Variants in SARS1 observed in about 807,000 individuals in gnomAD.
The protein encoded by SARS1 is serine--tRNA ligase, cytoplasmic.
SARS1 carries 25 observed loss-of-function variants against 63.7 expected under a neutral mutation model. The observed-to-expected ratio is 0.39, with a 90% CI of 0.29 to 0.55. SARS1 has a LOEUF of 0.55. SARS1 is among the 20% of genes least tolerant of loss of function. The pLI is 0.62. For synonymous variants in SARS1, 231 were observed against 243.5 expected (o/e 0.95, Z 0.48); for missense variants, 417 against 649.7 (o/e 0.64, Z 3.89).
chr1:109,225,865 A>G (rs1227645714), intron 2 of SARS1, among the ~76,000 whole-genome samples: 1 of 152,224 alleles, frequency 6.6e-6, no homozygotes, highest in Non-Finnish European at 1.5e-5. Context: ...GAGCCTGGTA[A>G]CTATCTTGCA....
rs1655337751 is a variant in SARS1 at position 109,237,461 on chromosome 1, T to G, written c.1387+88T>G. 6.3e-7 allele frequency: 1 copy of G among 1,579,006 alleles called. No homozygotes were observed. The highest frequency in any genetic ancestry group is 8.6e-7 in the Non-Finnish European group (1 of 1,156,798). ...AGTCCCCTTTCAGGATATACCAGGT[T>G]TTTTTGTTCAGACACAGCCCCTGAA... is the stretch of plus-strand genomic sequence containing the variant. On this transcript the variant is annotated intron_variant, in intron 10 of 10. Transcript: ENST00000234677. The surrounding 1 kb of genome is among the most constrained non-coding windows in gnomAD (Gnocchi z 4.1).
chr1:109,226,967 A>G (rs184713627), intron 2 of SARS1, among the ~76,000 whole-genome samples: 2 of 150,070 alleles, frequency 1.3e-5, no homozygotes, highest in Admixed American at 1.3e-4. Context: ...ATCTTATTAT[A>G]ATGACCTTTG....
chr1:109,221,384 G>A (rs778989889), intron 1 of SARS1, among the ~76,000 whole-genome samples: 1 of 151,994 alleles, frequency 6.6e-6, no homozygotes, highest in Admixed American at 6.6e-5. Flanking sequence ...ATGAAATATC[G>A]AATGCTTTCC....
At chr1:109,221,355 G>A (rs955114256) in intron 1 of SARS1, among the ~76,000 whole-genome samples, 1 of 152,028 alleles carries the variant, frequency 6.6e-6, no homozygotes, top group Admixed American at 6.6e-5. Flanking sequence ...CACTGCGTCC[G>A]GCCACATTTT....
rs1655167611 is a variant in SARS1, at chr1:109,229,684, T to C, written c.447+112T>C. 8 of 1,098,906 alleles carry C rather than the reference T, an allele frequency of 7.3e-6. No homozygotes were observed. The East Asian group carries it at 1.7e-4, about 23-fold the overall frequency. 68.1% of individuals were successfully genotyped at this position (1,098,906 alleles called of 1,614,324 possible). A position where few individuals can be genotyped will look rare whatever the true frequency, so the allele number is the denominator to read the frequency against. ...GGCATTGTCTGTCAGAAGCAGGTTC[T>C]TTGTATATTCCCTCTGCCCACCAAT... On this transcript the variant is annotated intron_variant, in intron 4 of 10. Coordinates refer to ENST00000234677, the MANE Select transcript of SARS1 (RefSeq NM_006513.4).
In SARS1 at chr1:109,223,331, A is replaced by G. The variant is rs1024410964; in HGVS notation, c.137-647A>G. ...TGTGCATAGCACCTAGTTTCCTTAA[A>G]TGAGTTTTAAGATAATTGGGCAGGT... On this transcript the variant is annotated intron_variant, in intron 1 of 10. Coordinates refer to ENST00000234677, the MANE Select transcript of SARS1 (RefSeq NM_006513.4). Among the ~76,000 whole-genome samples, 5 of 152,352 alleles carry G rather than the reference A, an allele frequency of 3.3e-5. No individual in the cohort carries two copies. The East Asian group carries it at 9.6e-4, about 29-fold the overall frequency.
chr1:109,236,882 A>G, intron 9 of SARS1: 1 of 1,592,944 alleles, frequency 6.3e-7, no homozygotes, highest in Non-Finnish European at 8.6e-7. Flanking sequence ...TCTGGGTTGT[A>G]AGCTGCTCTC....
chr1:109,231,140 C>T (rs1364193982), intron 5 of SARS1, 119 bp downstream of exon 5: 1 of 588,922 alleles, frequency 1.7e-6, no homozygotes, highest in Non-Finnish European at 2.4e-6. Flanking sequence ...ACAGATCTAC[C>T]AGTTGTACTT....
chr1:109,215,667 AACTT>A lies in SARS1; in HGVS notation c.136+1541_136+1544del, dbSNP rs1436832840. 13 of 953,046 alleles carry A rather than the reference AACTT, an allele frequency of 1.4e-5. No individual in the cohort carries two copies. In the African/African-American group the frequency reaches 2.3e-4, roughly 17 times the overall value. 59.0% of individuals were successfully genotyped at this position (953,046 alleles called of 1,614,324 possible). A position where few individuals can be genotyped will look rare whatever the true frequency, so the allele number is the denominator to read the frequency against. ...TGTAGTTTATGTTATTGTTTTAAAA[AACTT>A]AATCCTAAATGTGAAGTCATTTCTT... On this transcript the variant is annotated intron_variant, in intron 1 of 10. Coordinates refer to ENST00000234677, the MANE Select transcript of SARS1 (RefSeq NM_006513.4).
In SARS1 at chr1:109,235,626, C is replaced by T. The variant is rs1262394064; in HGVS notation, c.969+195C>T. ...CTGAAACCAGGCTGCGGCTTTACCACTCACCAGCTGTGTAACATTGGGCAT... is the reference window on the plus strand; with the variant it reads ...CTGAAACCAGGCTGCGGCTTTACCATTCACCAGCTGTGTAACATTGGGCAT... On this transcript the variant is annotated intron_variant, in intron 7 of 10. Coordinates refer to ENST00000234677, the MANE Select transcript of SARS1 (RefSeq NM_006513.4). This position sits in a 1 kb window ranked among gnomAD's most constrained non-coding sequence, Gnocchi z 4.7. Among the ~76,000 whole-genome samples the T allele has an allele frequency of 6.6e-6, 1 of 152,174 alleles. No homozygotes were observed. The highest frequency in any genetic ancestry group is 2.4e-5 in the African/African-American group (1 of 41,444).
In SARS1 at chr1:109,221,992, A is replaced by T. The variant is rs12028612; in HGVS notation, c.137-1986A>T. Among the ~76,000 whole-genome samples the T allele has an allele frequency of 2.0e-4, 7 of 35,112 alleles. 2 individuals carry two copies. The highest frequency in any genetic ancestry group is 2.8e-4 in the Non-Finnish European group (7 of 24,576). 23.0% of individuals were successfully genotyped at this position (35,112 alleles called of 152,430 possible). On this transcript the variant is annotated intron_variant, in intron 1 of 10. Transcript: ENST00000234677. The stretch of plus-strand genomic sequence containing the variant: ...TGTGTATATATATATATATATATAT[A>T]TATATATATATATATATATTTTTTT...
At chr1:109,236,142 T>C (rs1361392714) in intron 8 of SARS1, 36 bp downstream of exon 8, 1 of 1,596,496 alleles carries the variant, frequency 6.3e-7, no homozygotes, top group Non-Finnish European at 8.5e-7. Context: ...CTCCCTTTCC[T>C]GTAATCCCAG....
intron 2 of SARS1, among the ~76,000 whole-genome samples, chr1:109,227,214 T>C (rs1176234457): frequency 6.6e-6 from 1 of 151,742 alleles, no homozygotes; most frequent in African/African-American, 2.4e-5. Context: ...AGGCTGATCT[T>C]GAACTCCTGA....
At chr1:109,225,537 C>G (rs1404561242) in intron 2 of SARS1, among the ~76,000 whole-genome samples, 2 of 152,178 alleles carry the variant, frequency 1.3e-5, no homozygotes, top group Non-Finnish European at 2.9e-5. Flanking sequence ...TTCACAATAA[C>G]ATTCTTAGAT....
At chr1:109,222,212 G>A (rs950122163) in intron 1 of SARS1, among the ~76,000 whole-genome samples, 1 of 150,994 alleles carries the variant, frequency 6.6e-6, no homozygotes, top group African/African-American at 2.4e-5. Context: ...TTGCAAATAG[G>A]AGGGAATCTC....
Position 109,237,448 on chromosome 1 carries a change from G to C in SARS1, c.1387+75G>C. 6.3e-7 allele frequency: 1 copy of C among 1,596,354 alleles called. No individual in the cohort carries two copies. ...TCTTCTAAATAGCAGTCCCCTTTCA[G>C]GATATACCAGGTTTTTTTGTTCAGA... On this transcript the variant is annotated intron_variant, in intron 10 of 10. Coordinates refer to ENST00000234677, the MANE Select transcript of SARS1 (RefSeq NM_006513.4). This position sits in a 1 kb window ranked among gnomAD's most constrained non-coding sequence, Gnocchi z 4.1.
chr1:109,235,207 C>T lies in SARS1; in HGVS notation c.748-3C>T. 3 of 1,612,672 alleles carry T rather than the reference C, an allele frequency of 1.9e-6. No homozygotes were observed. Among genetic ancestry groups the T allele is most frequent in the Non-Finnish European group, 2.5e-6 (3 of 1,178,626 alleles). ...TAACTGGTATAGCTCCTTCCTTCCA[C>T]AGGTGATTGGCAAAGGCAGTGAAAA... On this transcript the variant is annotated splice_polypyrimidine_tract_variant and splice_region_variant and intron_variant, in intron 6 of 10. Transcript: ENST00000234677. This position sits in a 1 kb window ranked among gnomAD's most constrained non-coding sequence, Gnocchi z 4.7.
chr1:109,227,766 A>G (rs963606477), intron 2 of SARS1, among the ~76,000 whole-genome samples: 3 of 152,022 alleles, frequency 2.0e-5, no homozygotes, highest in Admixed American at 2.0e-4. Flanking sequence ...AAAGGAAAAA[A>G]AAATTAGCCA....
At chr1:109,222,297 AT>A (rs1395676246) in intron 1 of SARS1, among the ~76,000 whole-genome samples, 1 of 152,230 alleles carries the variant, frequency 6.6e-6, no homozygotes, top group South Asian at 2.1e-4. Flanking sequence ...AACATCTTAT[AT>A]AACTCTAGTA....
Sources: gnomAD v4.1 joint callset for allele counts (sites outside exome capture counted in the v4.1 genomes callset) on GRCh38, gnomAD v4.1.1 for gene constraint, Gnocchi (gnomAD v3.1) non-coding constraint, MANE v1.5 for transcripts, NCBI Gene and HGNC (gene_info 2026-07-23, HGNC 2026-07-21) for gene names.